Variants in CDH12 observed in about 807,000 individuals in gnomAD.
The protein encoded by CDH12 is cadherin 12, also known as cadherin-12.
CDH12 carries 41 observed loss-of-function variants against 74.1 expected under a neutral mutation model. The observed-to-expected ratio is 0.55, with a 90% confidence interval of 0.43 to 0.72. The LOEUF is 0.72. Ranked by LOEUF, CDH12 falls within the 30% of genes least tolerant of loss-of-function variation. The pLI is 0.00. For synonymous variants in CDH12, 399 were observed against 355.0 expected (o/e 1.12, Z -1.39); for missense variants, 945 against 977.2 (o/e 0.97, Z 0.44).
At chr5:22,251,477 T>A (rs1753128608) in intron 3 of CDH12, among the ~76,000 whole-genome samples, 1 of 152,212 alleles carries the variant, frequency 6.6e-6, no homozygotes, top group Non-Finnish European at 1.5e-5. Flanking sequence ...AAATTTTTCT[T>A]ATCTCTTATC....
intron 4 of CDH12, among the ~76,000 whole-genome samples, chr5:22,099,231 T>C (rs995876486): frequency 3.3e-5 from 5 of 152,168 alleles, no homozygotes; most frequent in Non-Finnish European, 5.9e-5. Context: ...TTCCCACCTC[T>C]ATACGGTCTG....
intron 3 of CDH12, among the ~76,000 whole-genome samples, chr5:22,315,978 C>T (rs1253670285): frequency 6.6e-6 from 1 of 151,862 alleles, no homozygotes; most frequent in Non-Finnish European, 1.5e-5. Flanking sequence ...ACAAGATCAG[C>T]CAGCTAACGG....
chr5:21,979,141 C>T (rs978084642), intron 5 of CDH12, among the ~76,000 whole-genome samples: 1 of 152,104 alleles, frequency 6.6e-6, no homozygotes, highest in African/African-American at 2.4e-5. Context: ...AATTTCTTTC[C>T]TTTGTAGCCA....
At chr5:22,478,595 T>C (rs781066038) in intron 2 of CDH12, among the ~76,000 whole-genome samples, 2 of 151,906 alleles carry the variant, frequency 1.3e-5, no homozygotes, top group Admixed American at 1.3e-4. Flanking sequence ...AAGATACTAA[T>C]AAATAATATC....
intron 2 of CDH12, among the ~76,000 whole-genome samples, chr5:22,428,195 GTA>G (rs551312354): frequency 3.2e-4 from 21 of 65,336 alleles, no homozygotes; most frequent in African/African-American, 5.3e-4. Context: ...ACACACATAT[GTA>G]TATATATATA....
intron 3 of CDH12, among the ~76,000 whole-genome samples, chr5:22,268,850 G>A (rs1402221083): frequency 1.3e-5 from 2 of 152,070 alleles, no homozygotes; most frequent in African/African-American, 4.8e-5. Context: ...CAACTCGTAT[G>A]CATCATACTT....
intron 10 of CDH12, among the ~76,000 whole-genome samples, chr5:21,789,577 C>T (rs958154662): frequency 6.6e-6 from 1 of 151,930 alleles, no homozygotes; most frequent in African/African-American, 2.4e-5. Context: ...GTCTATAGAT[C>T]GCATCCTGCT....
chr5:22,256,492 G>C (rs1434291689), intron 3 of CDH12, among the ~76,000 whole-genome samples: 1 of 152,074 alleles, frequency 6.6e-6, no homozygotes, highest in Non-Finnish European at 1.5e-5. Context: ...CTGTATAACT[G>C]GTTTATATAT....
chr5:22,342,183 C>T (rs1393368543), intron 3 of CDH12, among the ~76,000 whole-genome samples: 3 of 152,064 alleles, frequency 2.0e-5, no homozygotes, highest in Non-Finnish European at 4.4e-5. Context: ...TCAATATCTC[C>T]CAAAGGTCCC....
chr5:21,900,931 T>A (rs1417159232), intron 6 of CDH12, among the ~76,000 whole-genome samples: 1 of 152,218 alleles, frequency 6.6e-6, no homozygotes, highest in East Asian at 1.9e-4. Flanking sequence ...CATGCCACAC[T>A]GCAAACAAAA....
chr5:22,026,596 C>T (rs1738376116), intron 5 of CDH12, among the ~76,000 whole-genome samples: 1 of 152,100 alleles, frequency 6.6e-6, no homozygotes, highest in African/African-American at 2.4e-5. Flanking sequence ...ATATTCTATG[C>T]TTTCATTATG....
At chr5:22,380,500 G>T (rs930159639) in intron 3 of CDH12, among the ~76,000 whole-genome samples, 1 of 150,560 alleles carries the variant, frequency 6.6e-6, no homozygotes, top group African/African-American at 2.4e-5. Flanking sequence ...ACTTGTCACA[G>T]TATTTTATGC....
chr5:21,767,437 A>G (rs186364759), intron 11 of CDH12, among the ~76,000 whole-genome samples: 4 of 151,826 alleles, frequency 2.6e-5, no homozygotes, highest in Admixed American at 2.6e-4. Flanking sequence ...TGTTATGAGT[A>G]AATTGTCCCA....
intron 1 of CDH12, among the ~76,000 whole-genome samples, chr5:22,663,412 C>T (rs193229310): frequency 3.2e-4 from 49 of 152,162 alleles, no homozygotes; most frequent in African/African-American, 1.1e-3. Flanking sequence ...GATGGAAAAC[C>T]GTTTATAGCC....
At chr5:22,408,159 A>C (rs1743016770) in intron 2 of CDH12, among the ~76,000 whole-genome samples, 1 of 150,448 alleles carries the variant, frequency 6.6e-6, no homozygotes, top group Non-Finnish European at 1.5e-5. Context: ...ATTTCAGCAA[A>C]ACCTATAGCA....
At chr5:22,024,295 C>T (rs1331866519) in intron 5 of CDH12, among the ~76,000 whole-genome samples, 1 of 152,064 alleles carries the variant, frequency 6.6e-6, no homozygotes, top group East Asian at 1.9e-4. Context: ...TGTAAAACTG[C>T]TTATGCTTTT....
chr5:22,415,267 A>G (rs1448156677), intron 2 of CDH12, among the ~76,000 whole-genome samples: 1 of 152,186 alleles, frequency 6.6e-6, no homozygotes, highest in Non-Finnish European at 1.5e-5. Flanking sequence ...AGTAATTCCC[A>G]TTATAATTTT....
intron 1 of CDH12, among the ~76,000 whole-genome samples, chr5:22,518,947 C>T (rs1292764242): frequency 6.6e-6 from 1 of 152,096 alleles, no homozygotes; most frequent in Non-Finnish European, 1.5e-5. Context: ...TGTAGGACTG[C>T]CTGACATGAG....
chr5:22,815,769 C>CAAAAAAAAAAAAAAAAAAAAAAAAA (rs34135797), intron 1 of CDH12, among the ~76,000 whole-genome samples: 3 of 97,086 alleles, frequency 3.1e-5, no homozygotes, highest in Non-Finnish European at 6.1e-5. Flanking sequence ...GACTCCGTCT[C>CAAAAAAAAAAAAAAAAAAAAAAAAA]AAAAAAAAAA....
Sources: gnomAD v4.1 joint callset for allele counts (sites outside exome capture counted in the v4.1 genomes callset) on GRCh38, gnomAD v4.1.1 for gene constraint, MANE v1.5 for transcripts, NCBI Gene and HGNC (gene_info 2026-07-23, HGNC 2026-07-21) for gene names.